Variants in DST observed in about 807,000 individuals in gnomAD.
The protein encoded by DST is dystonin.
A neutral mutation model predicts 875.2 loss-of-function variants in DST; 253 were observed. That is an observed-to-expected ratio of 0.29 (90% confidence interval 0.26 to 0.32). The LOEUF is 0.32. DST is among the 10% of genes least tolerant of loss of function. DST has a pLI of 1.00. For synonymous variants in DST, 3,124 were observed against 3,197.1 expected, an observed-to-expected ratio of 0.98 and a Z score of 0.77; for missense variants, 8,287 against 9,111.6, an observed-to-expected ratio of 0.91 and a Z score of 3.68.
chr6:56,620,449 C>T, intron 36 of DST: 1 of 1,614,176 alleles, frequency 6.2e-7, no homozygotes, highest in Non-Finnish European at 8.5e-7. Context: ...CCCTGCGGTA[C>T]TGCTTGGCTT....
Position 56,552,806 on chromosome 6 carries a change from A to G in DST, c.15986T>C (p.Val5329Ala). Reference sequence around the variant, plus strand: ...CTGTGCAAGTCTTTTAGCCAAATCTACCTGATGCTTCAAGGCCTGAAGTGA... The same window carrying G: ...CTGTGCAAGTCTTTTAGCCAAATCTGCCTGATGCTTCAAGGCCTGAAGTGA... ...QKSLQALKHQ[V>A]DLAKRLAQDL... Residue 5329 changes from valine (V) to alanine (A), a missense_variant, in exon 61 of 104, where the codon GTA (valine) becomes GCA (alanine). Transcript: ENST00000680361. The G allele has an allele frequency of 1.2e-6, 2 of 1,611,596 alleles. No homozygotes were observed. The highest frequency in any genetic ancestry group is 1.7e-6 in the Non-Finnish European group (2 of 1,179,870).
rs370221458 is a variant in DST at position 56,601,551 on chromosome 6, G to A, written c.11433C>T (p.Leu3811=). 1.2e-6 allele frequency: 2 copies of A among 1,604,936 alleles called. No individual in the cohort carries two copies. The highest frequency in any genetic ancestry group is 1.7e-4 in the Middle Eastern group (1 of 6,048). ...GAAAACACTTCTGAGTTGTATTTAA[G>A]AGCCTCAGCAGTTGTTTGCTTTGGT... ...SPNQSKQLLR[L]LNTTQKCFLD... is the part of the protein sequence containing the mutation. The change falls in exon 44 of 104, where the codon CTC becomes CTT. Residue 3811 remains leucine (L), a synonymous_variant. Transcript: ENST00000680361.
rs148958146 is a variant in DST at position 56,908,098 on chromosome 6, T to TATATATATATATATATACACACACAC, written c.217-7478_217-7477insGTGTGTGTGTATATATATATATATAT. ...AAAAAAGAAAATACATATATATATA[T>TATATATATATATATATACACACACAC]ACACACACACACACACACATATATA... On this transcript the variant is annotated intron_variant, in intron 2 of 103. Transcript: ENST00000680361. Among the ~76,000 whole-genome samples the TATATATATATATATATACACACACAC allele has an allele frequency of 6.4e-3, 968 of 150,462 alleles. 11 individuals are homozygous for TATATATATATATATATACACACACAC. The highest frequency in any genetic ancestry group is 0.023 in the African/African-American group (929 of 40,790).
intron 46 of DST, 76 bp downstream of exon 46, chr6:56,598,400 T>G (rs951002803): frequency 1.2e-6 from 1 of 867,596 alleles, no homozygotes; most frequent in Admixed American, 3.4e-5. Flanking sequence ...TTACTACCAC[T>G]GGATATTAAT....
intron 4 of DST, among the ~76,000 whole-genome samples, chr6:56,846,690 C>T (rs573919160): frequency 2.7e-4 from 41 of 152,170 alleles, no homozygotes; most frequent in Non-Finnish European, 5.0e-4. Flanking sequence ...ACAACAGATA[C>T]AAAAGCACTA....
chr6:56,771,420 G>A (rs907939861), intron 4 of DST, among the ~76,000 whole-genome samples: 1 of 152,176 alleles, frequency 6.6e-6, no homozygotes, highest in Non-Finnish European at 1.5e-5. Flanking sequence ...GGTAAAGAAT[G>A]TGGTGTCATT....
intron 3 of DST, among the ~76,000 whole-genome samples, chr6:56,865,275 GTGTGTGTGTGTGTGTGTGTGTCTGTA>G (rs556653605): frequency 1.1e-3 from 170 of 151,866 alleles, no homozygotes; most frequent in Admixed American, 2.6e-3. Flanking sequence ...GTGTGTGTGT[GTGTGTGTGTGTGTGTGTGTGTCTGTA>G]TGTGTGTGTG....
chr6:56,522,624 T>C (rs758464602), intron 69 of DST, among the ~76,000 whole-genome samples: 3 of 152,008 alleles, frequency 2.0e-5, no homozygotes, highest in Non-Finnish European at 4.4e-5. Context: ...AATAAACAGG[T>C]GATATTTTTC....
At chr6:56,711,888 G>C (rs908994362) in intron 5 of DST, among the ~76,000 whole-genome samples, 3 of 151,752 alleles carry the variant, frequency 2.0e-5, no homozygotes, top group Non-Finnish European at 2.9e-5. Context: ...TCAGGAGATC[G>C]AGACCATCCC....
intron 26 of DST, 88 bp downstream of exon 26, chr6:56,634,374 G>A (rs2152765183): frequency 3.1e-6 from 5 of 1,606,214 alleles, no homozygotes; most frequent in Non-Finnish European, 3.4e-6. Flanking sequence ...TTTTGATCCT[G>A]TGGGGCCTTG....
At position 56,871,507 on chromosome 6, in the gene DST, G is replaced by T. The variant is rs936670729; in HGVS notation, c.418-19903C>A. On this transcript the variant is annotated intron_variant, in intron 3 of 103. Transcript: ENST00000680361. ...GCAGAGAGTGATGCTGAACTTAAGGGCTTAGAGGTAGATTCTCTGGTCATT... is the reference window on the plus strand; with the variant it reads ...GCAGAGAGTGATGCTGAACTTAAGGTCTTAGAGGTAGATTCTCTGGTCATT... 56 of 1,476,876 alleles carry T rather than the reference G, an allele frequency of 3.8e-5. 3 individuals carry two copies. In the South Asian group the frequency reaches 6.3e-4, roughly 17 times the overall value. 91.5% of individuals were successfully genotyped at this position (1,476,876 alleles called of 1,614,324 possible).
At chr6:56,737,740 C>T (rs946400864) in intron 4 of DST, among the ~76,000 whole-genome samples, 4 of 152,206 alleles carry the variant, frequency 2.6e-5, no homozygotes, top group Non-Finnish European at 5.9e-5. Flanking sequence ...TACTGGACAA[C>T]ACTGCTGTAC....
chr6:56,569,718 C>T (rs2097753144), intron 54 of DST, 138 bp downstream of exon 54: 1 of 606,614 alleles, frequency 1.6e-6, no homozygotes, highest in Non-Finnish European at 2.5e-6. Flanking sequence ...GCCATGATTT[C>T]CAAAGGTCAA....
chr6:56,535,756 T>C (rs2096984224), intron 62 of DST, among the ~76,000 whole-genome samples: 1 of 152,200 alleles, frequency 6.6e-6, no homozygotes, highest in Admixed American at 6.5e-5. Flanking sequence ...ATAACAAAAG[T>C]ATCCAATTAA....
chr6:56,618,977 G>A lies in DST; in HGVS notation c.4930-4493C>T, dbSNP rs764734340. ...CTCTTCTTTGGAAGCATTCAGTTCC[G>A]CATTCAGATTTCTAACTTCTTTCTT... is the stretch of plus-strand genomic sequence containing the variant. On this transcript the variant is annotated intron_variant, in intron 36 of 103. Transcript: ENST00000680361. 2.5e-6 allele frequency: 4 copies of A among 1,613,986 alleles called. No homozygotes were observed. Among genetic ancestry groups the A allele is most frequent in the Middle Eastern group, 1.6e-4 (1 of 6,084 alleles).
chr6:56,565,670 A>G (rs9475722), intron 55 of DST, among the ~76,000 whole-genome samples: 68,027 of 152,024 alleles, frequency 0.45, 15,873 homozygotes, highest in African/African-American at 0.57. Context: ...CAGGAGGCAC[A>G]GGCGTCAGGA....
chr6:56,564,907 G>C (rs1171019730), intron 55 of DST, among the ~76,000 whole-genome samples: 1 of 152,122 alleles, frequency 6.6e-6, no homozygotes, highest in Non-Finnish European at 1.5e-5. Context: ...GCTTCCCAGG[G>C]ATAAAGCCGA....
At position 56,714,179 on chromosome 6, in the gene DST, C is replaced by T. The variant is rs2099387261; in HGVS notation, c.688-9810G>A. On this transcript the variant is annotated intron_variant, in intron 5 of 103. Transcript: ENST00000680361. The surrounding 1 kb of genome is among the most constrained non-coding windows in gnomAD (Gnocchi z 4.5). ...TTCATATTTTTCTAAAATAAAACCA[C>T]CCAAAATCATATCTGGGGAACTGAT... Among the ~76,000 whole-genome samples the T allele has an allele frequency of 6.6e-6, 1 of 152,108 alleles. No homozygotes were observed. The highest frequency in any genetic ancestry group is 2.1e-4 in the South Asian group (1 of 4,818).
chr6:56,801,040 A>C (rs1207230406), intron 4 of DST, among the ~76,000 whole-genome samples: 4 of 151,784 alleles, frequency 2.6e-5, no homozygotes, highest in Admixed American at 6.6e-5. Context: ...AAAAAAAAAA[A>C]AAAAAACCTC....
Sources: allele counts gnomAD v4.1 joint callset (sites outside exome capture counted in the v4.1 genomes callset), GRCh38; gene constraint gnomAD v4.1.1; non-coding constraint Gnocchi (gnomAD v3.1); transcripts MANE v1.5; gene names NCBI Gene and HGNC (gene_info 2026-07-23, HGNC 2026-07-21).